SP1: variants seen among roughly 807,000 people sequenced by gnomAD.
SP1 encodes the protein transcription factor Sp1.
Under a neutral mutation model 66.3 loss-of-function variants are expected in SP1, and 6 were observed. That is an observed-to-expected ratio of 0.09 (90% confidence interval 0.05 to 0.18). The LOEUF (loss-of-function observed/expected upper bound fraction) is 0.18, where lower values mean the gene tolerates loss of function less well. SP1 is among the 10% of genes least tolerant of loss of function. The pLI, the probability that SP1 is intolerant of heterozygous loss-of-function variation, is 1.00. For missense variants in SP1, 848 were observed against 964.5 expected, an observed-to-expected ratio of 0.88 and a Z score of 1.60; for synonymous variants, 417 against 360.8, an observed-to-expected ratio of 1.16 and a Z score of -1.77.
Position 53,382,802 on chromosome 12 carries a change from G to C in SP1, c.855G>C (p.Thr285=), listed in dbSNP as rs147536612. The change falls in exon 3 of 6, where the codon ACG becomes ACC. Residue 285 remains threonine, a synonymous_variant. Transcript: ENST00000327443. ...TGACTCCCAGCTCTCAGGCAGTCAC[G>C]ATCAGCAGCTCTGGGTCCCAGGAGA... ...ATLTPSSQAV[T]ISSSGSQESG... is the part of the protein sequence containing the mutation. 14 of 1,614,156 alleles carry C rather than the reference G, an allele frequency of 8.7e-6. No individual in the cohort carries two copies. In the South Asian group the frequency reaches 1.5e-4, roughly 18 times the overall value.
At chr12:53,383,973 C>CT (rs56055478) in intron 3 of SP1, among the ~76,000 whole-genome samples, 24,472 of 132,858 alleles carry the variant, frequency 0.18, 2,154 homozygotes, top group African/African-American at 0.22. Context: ...ATTTTCTTTT[C>CT]TTTTTTTTTT....
In SP1 at chr12:53,412,415, T is replaced by G. The variant is rs1938912213; in HGVS notation, c.*1175T>G. 6.6e-6 allele frequency: 1 copy of G among 152,644 alleles called. No homozygotes were observed. The highest frequency in any genetic ancestry group is 2.4e-5 in the African/African-American group (1 of 41,462). The allele number at this position is 152,644 out of a possible 1,614,324, so 9.5% of individuals were successfully genotyped here. On this transcript the variant is annotated 3_prime_UTR_variant, in exon 6 of 6. Coordinates refer to ENST00000327443, the MANE Select transcript of SP1 (RefSeq NM_138473.3). ...CTGTCTTCCAAGGTAGCTCTAAGTT[T>G]TGATGTGTGGGCTTCTGAGTTTATA...
intron 3 of SP1, 98 bp from the exon 4 acceptor site, chr12:53,406,487 A>G (rs899042027): frequency 4.4e-5 from 44 of 1,002,976 alleles, no homozygotes; most frequent in Non-Finnish European, 6.5e-5. Context: ...GTAGGATGTC[A>G]GTTCAAAAGA....
intron 3 of SP1, among the ~76,000 whole-genome samples, chr12:53,404,623 A>T (rs934802166): frequency 6.6e-6 from 1 of 152,076 alleles, no homozygotes; most frequent in African/African-American, 2.4e-5. Flanking sequence ...AATGTGACCA[A>T]CTGAGTCATG....
At chr12:53,407,620 G>A (rs1319119925) in intron 4 of SP1, among the ~76,000 whole-genome samples, 2 of 144,720 alleles carry the variant, frequency 1.4e-5, no homozygotes, top group East Asian at 2.1e-4. Flanking sequence ...CACTGCACCT[G>A]GCCAAAAAAA....
chr12:53,408,121 C>T lies in SP1; in HGVS notation c.1845-1241C>T, dbSNP rs537362234. Reference sequence around the variant, plus strand: ...AATTAACCGGCGTGGTGTCAGGTGCCTGTAATCCCAGCTACTTGGGAGGTT... The same window carrying T: ...AATTAACCGGCGTGGTGTCAGGTGCTTGTAATCCCAGCTACTTGGGAGGTT... On this transcript the variant is annotated intron_variant, in intron 4 of 5. Coordinates refer to ENST00000327443, the MANE Select transcript of SP1 (RefSeq NM_138473.3). 2.8e-5 allele frequency among the ~76,000 whole-genome samples: 4 copies of T among 144,698 alleles called. No homozygotes were observed. The East Asian group carries it at 8.8e-4, about 32-fold the overall frequency. The allele number at this position is 144,698 out of a possible 152,430, so 94.9% of individuals were successfully genotyped here. A position where few individuals can be genotyped will look rare whatever the true frequency, so the allele number is the denominator to read the frequency against.
intron 3 of SP1, among the ~76,000 whole-genome samples, chr12:53,400,402 T>C (rs553980535): frequency 3.0e-4 from 46 of 152,356 alleles, no homozygotes; most frequent in Admixed American, 1.0e-3. Context: ...ATTTTGTTTA[T>C]TCATTCACCA....
At chr12:53,399,320 T>C (rs1263245020) in intron 3 of SP1, among the ~76,000 whole-genome samples, 1 of 137,288 alleles carries the variant, frequency 7.3e-6, no homozygotes, top group Non-Finnish European at 1.5e-5. Flanking sequence ...AGCTAATTTT[T>C]GTTTTTTTGT....
At chr12:53,382,048 C>T (rs753600604) in intron 2 of SP1, 62 bp from the exon 3 acceptor site, 11 of 1,498,764 alleles carry the variant, frequency 7.3e-6, no homozygotes, top group Middle Eastern at 3.5e-4. Context: ...TTGTTGTATA[C>T]TGCCCCCTAG....
intron 5 of SP1, among the ~76,000 whole-genome samples, chr12:53,410,334 C>A (rs1290025139): frequency 6.6e-6 from 1 of 151,832 alleles, no homozygotes; most frequent in Non-Finnish European, 1.5e-5. Context: ...AAATAAGGAG[C>A]TAGATTTTGA....
chr12:53,383,684 A>T (rs969678450), intron 3 of SP1, 62 bp downstream of exon 3: 3 of 1,383,438 alleles, frequency 2.2e-6, no homozygotes, highest in African/African-American at 2.9e-5. Flanking sequence ...CTGAAACTTG[A>T]GTCTAAAGAA....
chr12:53,394,707 C>T (rs1429977553), intron 3 of SP1, among the ~76,000 whole-genome samples: 4 of 148,404 alleles, frequency 2.7e-5, no homozygotes, highest in African/African-American at 5.0e-5. Flanking sequence ...CTCCACTTCC[C>T]GGGTTCATGC....
intron 3 of SP1, among the ~76,000 whole-genome samples, chr12:53,405,653 C>G (rs973410173): frequency 2.0e-5 from 3 of 149,718 alleles, no homozygotes; most frequent in African/African-American, 7.5e-5. Flanking sequence ...GCCAGCGAGA[C>G]TCTGTCTCAA....
chr12:53,393,971 T>G (rs1938411981), intron 3 of SP1, among the ~76,000 whole-genome samples: 1 of 151,016 alleles, frequency 6.6e-6, no homozygotes, highest in South Asian at 2.1e-4. Flanking sequence ...CCCAAGCACT[T>G]TGGGAGGCCG....
Position 53,406,697 on chromosome 12 carries a change from T to C in SP1, c.1788T>C (p.Gly596=), listed in dbSNP as rs751779401. The C allele has an allele frequency of 5.6e-6, 9 of 1,614,062 alleles. No homozygotes were observed. Among genetic ancestry groups the C allele is most frequent in the Non-Finnish European group, 6.8e-6 (8 of 1,180,004 alleles). Residue 596 remains glycine, a synonymous_variant, in exon 4 of 6, where the codon GGT becomes GGC. Transcript: ENST00000327443. ...GCCCAGATGCCCAACCCCAAGCCGG[T>C]CGGAGGACCCGGCGGGAAGCATGCA... ...ENSPDAQPQA[G]RRTRREACTC...
chr12:53,399,839 C>T (rs973042042), intron 3 of SP1, among the ~76,000 whole-genome samples: 2 of 150,052 alleles, frequency 1.3e-5, no homozygotes, highest in Non-Finnish European at 3.0e-5. Context: ...CCGTGTTGGT[C>T]AGGGTGGTCT....
intron 3 of SP1, among the ~76,000 whole-genome samples, chr12:53,398,414 C>G (rs1017204891): frequency 1.3e-5 from 2 of 152,146 alleles, no homozygotes; most frequent in African/African-American, 4.8e-5. Flanking sequence ...TCCCAGGTAG[C>G]TGGGATTACA....
At chr12:53,389,739 T>C (rs1175055507) in intron 3 of SP1, among the ~76,000 whole-genome samples, 3 of 152,180 alleles carry the variant, frequency 2.0e-5, no homozygotes, top group African/African-American at 7.2e-5. Flanking sequence ...ATGTTTTTCT[T>C]AGCCGCTGCT....
chr12:53,410,917 C>T lies in SP1; in HGVS notation c.2045-10C>T, dbSNP rs948831493. On this transcript the variant is annotated splice_polypyrimidine_tract_variant and intron_variant, in intron 5 of 5. Transcript: ENST00000327443. ...CATGTCAGCTTCTTATCTTTTCTTCCTTTACCTAGGTGAGAAGAAATTTGC... is the reference window on the plus strand; with the variant it reads ...CATGTCAGCTTCTTATCTTTTCTTCTTTTACCTAGGTGAGAAGAAATTTGC... The T allele has an allele frequency of 3.7e-6, 6 of 1,601,928 alleles. No individual in the cohort carries two copies. The highest frequency in any genetic ancestry group is 1.1e-5 in the South Asian group (1 of 90,272).
Sources: allele counts gnomAD v4.1 joint callset (sites outside exome capture counted in the v4.1 genomes callset), GRCh38; gene constraint gnomAD v4.1.1; transcripts MANE v1.5; gene names NCBI Gene and HGNC (gene_info 2026-07-23, HGNC 2026-07-21).